Variants in PCDHGA6 observed in about 807,000 individuals in gnomAD.
PCDHGA6 encodes protocadherin gamma-A6.
PCDHGA6 carries 41 observed loss-of-function variants against 60.6 expected under a neutral mutation model. The observed-to-expected ratio is 0.68, with a 90% CI of 0.53 to 0.88. The LOEUF is 0.88. Among genes scored for constraint, PCDHGA6 ranks in the 40% least tolerant of loss-of-function variants. PCDHGA6 has a pLI of 0.00. For missense variants in PCDHGA6, 1,312 were observed against 1,203.0 expected (o/e 1.09, Z -1.34); for synonymous variants, 594 against 524.4 (o/e 1.13, Z -1.81).
At chr5:141,388,590 A>G in intron 1 of PCDHGA6, 9 of 1,613,920 alleles carry the variant, frequency 5.6e-6, no homozygotes, top group Non-Finnish European at 7.6e-6. Flanking sequence ...GACTGATGCC[A>G]ATGATAATGC....
intron 1 of PCDHGA6, chr5:141,468,381 G>A (rs1297428363): frequency 2.0e-5 from 3 of 149,754 alleles, no homozygotes; most frequent in South Asian, 2.1e-4. Flanking sequence ...AGCCATACAA[G>A]GCTACCCATT....
At chr5:141,460,965 G>A (rs1398642676) in intron 1 of PCDHGA6, among the ~76,000 whole-genome samples, 21 of 114,476 alleles carry the variant, frequency 1.8e-4, no homozygotes, top group African/African-American at 8.5e-4. Flanking sequence ...ATATATATGT[G>A]TGTGTGTGTG....
At chr5:141,426,779 T>G in intron 1 of PCDHGA6, 6 of 456,698 alleles carry the variant, frequency 1.3e-5, no homozygotes, top group Non-Finnish European at 1.8e-5. Context: ...GGCCTCACTC[T>G]CTCCAGAGTT....
At chr5:141,406,836 TC>T (rs2094857566) in intron 1 of PCDHGA6, among the ~76,000 whole-genome samples, 1 of 152,232 alleles carries the variant, frequency 6.6e-6, no homozygotes, top group Non-Finnish European at 1.5e-5. Context: ...AACTTGCATA[TC>T]AGATATAATT....
intron 1 of PCDHGA6, among the ~76,000 whole-genome samples, chr5:141,453,080 A>T (rs1323212808): frequency 6.6e-6 from 1 of 151,960 alleles, no homozygotes; most frequent in Non-Finnish European, 1.5e-5. Context: ...ACTCTGGTTG[A>T]TTAGTATATT....
chr5:141,466,977 C>T (rs2099133275), intron 1 of PCDHGA6, among the ~76,000 whole-genome samples: 1 of 151,786 alleles, frequency 6.6e-6, no homozygotes. Flanking sequence ...CACAGCTCAT[C>T]ATTTACCTTT....
chr5:141,389,045 T>C, intron 1 of PCDHGA6: 3 of 1,613,920 alleles, frequency 1.9e-6, no homozygotes, highest in Non-Finnish European at 2.5e-6. Flanking sequence ...TGGAAGGTGA[T>C]GTTCCATTTA....
In PCDHGA6 at chr5:141,489,574, C is replaced by T. The variant is rs963768096; in HGVS notation, c.2425-5233C>T. The T allele has an allele frequency of 2.5e-6, 4 of 1,613,978 alleles. No homozygotes were observed. The highest frequency in any genetic ancestry group is 3.4e-6 in the Non-Finnish European group (4 of 1,180,014). ...GCTGCCAGTGCAGGTGGTGACTGAA[C>T]ACCCCCTGGAGCTAATCCGTGTAGA... On this transcript the variant is annotated intron_variant, in intron 1 of 3. Coordinates refer to ENST00000517434, the MANE Select transcript of PCDHGA6 (RefSeq NM_018919.3). This position sits in a 1 kb window ranked among gnomAD's most constrained non-coding sequence, Gnocchi z 4.5.
chr5:141,469,395 T>G lies in PCDHGA6; in HGVS notation c.2425-25412T>G, dbSNP rs1332746609. ...ATCGAGACCATCCTGGCCAACATGG[T>G]GAAACCCCGTTTCTACTAAAAATAT... On this transcript the variant is annotated intron_variant, in intron 1 of 3. Transcript: ENST00000517434. Among the ~76,000 whole-genome samples, 6 of 152,194 alleles carry G rather than the reference T, an allele frequency of 3.9e-5. No homozygotes were observed. The East Asian group carries it at 1.2e-3, about 29-fold the overall frequency.
rs183968443 is a variant in PCDHGA6 at position 141,495,033 on chromosome 5, G to A, written c.2483+168G>A. On this transcript the variant is annotated intron_variant, in intron 2 of 3. Coordinates refer to ENST00000517434, the MANE Select transcript of PCDHGA6 (RefSeq NM_018919.3). ...GGGGCTGGCACACAGACCCCGGAAG[G>A]AAGAGGCGACTGCCCTGACTGTTCA... is the stretch of plus-strand genomic sequence containing the variant. 1.4e-3 allele frequency: 1,380 copies of A among 968,234 alleles called. 4 individuals are homozygous for A. Among genetic ancestry groups the A allele is most frequent in the Middle Eastern group, 5.3e-3 (10 of 1,888 alleles). 60.0% of individuals were successfully genotyped at this position (968,234 alleles called of 1,614,324 possible).
At chr5:141,498,826 A>G (rs1186868890) in intron 2 of PCDHGA6, among the ~76,000 whole-genome samples, 1 of 152,006 alleles carries the variant, frequency 6.6e-6, no homozygotes, top group African/African-American at 2.4e-5. Context: ...CCAGCTACTC[A>G]GGAGGCTGAG....
intron 1 of PCDHGA6, chr5:141,424,773 T>C (rs1398493027): frequency 6.6e-6 from 1 of 152,206 alleles, no homozygotes; most frequent in African/African-American, 2.4e-5. Flanking sequence ...TGGCAAATAG[T>C]ACATTCAGTT....
At chr5:141,480,653 T>C (rs1214823403) in intron 1 of PCDHGA6, among the ~76,000 whole-genome samples, 2 of 152,190 alleles carry the variant, frequency 1.3e-5, no homozygotes, top group Admixed American at 1.3e-4. Context: ...TGGTTGCACA[T>C]TAAAATCACC....
At chr5:141,403,836 A>G (rs370798833) in intron 1 of PCDHGA6, 8 of 1,613,670 alleles carry the variant, frequency 5.0e-6, no homozygotes, top group African/African-American at 1.3e-5. Context: ...TTCCAGCTTA[A>G]TGAAAATACT....
At chr5:141,402,947 G>A in intron 1 of PCDHGA6, 1 of 1,592,724 alleles carries the variant, frequency 6.3e-7, no homozygotes, top group South Asian at 1.1e-5. Flanking sequence ...CCAAAGCGAG[G>A]CAGCAATGGC....
At position 141,423,166 on chromosome 5, in the gene PCDHGA6, G is replaced by A. The variant is rs367805855; in HGVS notation, c.2424+46659G>A. ...GCTCAAGCAGAGCCTCGTGGTGGCC[G>A]TCCAGGACCACGGCCAGCCCCCTCT... On this transcript the variant is annotated intron_variant, in intron 1 of 3. Transcript: ENST00000517434. 2.4e-5 allele frequency: 38 copies of A among 1,613,476 alleles called. No individual in the cohort carries two copies. The South Asian group carries it at 2.5e-4, about 11-fold the overall frequency.
intron 1 of PCDHGA6, among the ~76,000 whole-genome samples, chr5:141,430,014 G>A (rs925858697): frequency 6.6e-6 from 1 of 152,130 alleles, no homozygotes; most frequent in South Asian, 2.1e-4. Context: ...TTTCACTTGG[G>A]TTCTTGTTAA....
chr5:141,388,004 A>G, intron 1 of PCDHGA6: 1 of 1,482,610 alleles, frequency 6.7e-7, no homozygotes, highest in Non-Finnish European at 9.1e-7. Context: ...TTCCCGAGGA[A>G]ATGCCCAAGG....
chr5:141,487,022 A>T lies in PCDHGA6; in HGVS notation c.2425-7785A>T. ...TCAGCTCCTGGAGGCCCCAGATCCC[A>T]GCCTGTTTGCAGTCTCTCGATATGC... On this transcript the variant is annotated intron_variant, in intron 1 of 3. Coordinates refer to ENST00000517434, the MANE Select transcript of PCDHGA6 (RefSeq NM_018919.3). The surrounding 1 kb of genome is among the most constrained non-coding windows in gnomAD (Gnocchi z 5.0). The T allele has an allele frequency of 1.2e-6, 2 of 1,614,212 alleles. No homozygotes were observed. Among genetic ancestry groups the T allele is most frequent in the Non-Finnish European group, 1.7e-6 (2 of 1,180,048 alleles).
Sources: allele counts gnomAD v4.1 joint callset (sites outside exome capture counted in the v4.1 genomes callset), GRCh38; gene constraint gnomAD v4.1.1; non-coding constraint Gnocchi (gnomAD v3.1); transcripts MANE v1.5; gene names NCBI Gene and HGNC (gene_info 2026-07-23, HGNC 2026-07-21).